Variants in SRBD1 observed in about 807,000 individuals in gnomAD.
SRBD1 encodes the protein S1 RNA binding domain 1.
In SRBD1, 88 loss-of-function variants were observed where a neutral mutation model predicts 115.3. The observed-to-expected ratio is 0.76, with a 90% CI of 0.64 to 0.91. The LOEUF is 0.91. SRBD1 is among the 40% of genes least tolerant of loss of function. SRBD1 has a pLI of 0.00. For missense variants in SRBD1, 1,385 were observed against 1,177.4 expected, an observed-to-expected ratio of 1.18 and a Z score of -2.58; for synonymous variants, 509 against 407.7, an observed-to-expected ratio of 1.25 and a Z score of -2.99.
chr2:45,475,534 T>C (rs1359495788), intron 16 of SRBD1, among the ~76,000 whole-genome samples: 1 of 152,224 alleles, frequency 6.6e-6, no homozygotes, highest in Non-Finnish European at 1.5e-5. Flanking sequence ...TCTCCACTAT[T>C]TACTTAAAGA....
intron 16 of SRBD1, among the ~76,000 whole-genome samples, chr2:45,451,127 T>A (rs1048170977): frequency 2.0e-5 from 3 of 152,050 alleles, no homozygotes; most frequent in African/African-American, 7.2e-5. Flanking sequence ...AAGCTACAAA[T>A]GACAGAATTA....
At chr2:45,461,492 T>G (rs927271595) in intron 16 of SRBD1, among the ~76,000 whole-genome samples, 6 of 152,210 alleles carry the variant, frequency 3.9e-5, no homozygotes, top group Admixed American at 3.3e-4. Context: ...TTTCAATGGC[T>G]GTTTATGAGT....
chr2:45,468,144 CTATA>C (rs1378447661), intron 16 of SRBD1, among the ~76,000 whole-genome samples: 3 of 151,972 alleles, frequency 2.0e-5, no homozygotes, highest in Non-Finnish European at 4.4e-5. Flanking sequence ...TTCATAAATC[CTATA>C]TATTTCATAT....
chr2:45,439,791 C>T (rs192850810), intron 16 of SRBD1, among the ~76,000 whole-genome samples: 386 of 142,686 alleles, frequency 2.7e-3, no homozygotes, highest in South Asian at 4.8e-3. Context: ...TAGATCATAC[C>T]GAAAAAAAAA....
intron 4 of SRBD1, among the ~76,000 whole-genome samples, chr2:45,589,906 G>C (rs1196129307): frequency 1.3e-5 from 2 of 152,180 alleles, no homozygotes; most frequent in African/African-American, 4.8e-5. Flanking sequence ...CATGTAAATA[G>C]TCAACATACA....
At chr2:45,599,975 G>GA (rs1362136569) in intron 3 of SRBD1, 140 bp from the exon 4 acceptor site, 3 of 1,005,184 alleles carry the variant, frequency 3.0e-6, no homozygotes, top group African/African-American at 1.6e-5. Flanking sequence ...TGTTGAGTGG[G>GA]AAAAAAAGCC....
intron 16 of SRBD1, among the ~76,000 whole-genome samples, chr2:45,438,460 T>G (rs985694390): frequency 2.0e-5 from 3 of 152,072 alleles, no homozygotes; most frequent in African/African-American, 7.2e-5. Flanking sequence ...GACAAGAACT[T>G]TAAAGTGGCT....
intron 16 of SRBD1, among the ~76,000 whole-genome samples, chr2:45,462,585 G>A (rs1001101729): frequency 1.3e-5 from 2 of 151,394 alleles, no homozygotes; most frequent in Non-Finnish European, 2.9e-5. Flanking sequence ...CATCAGCAGA[G>A]TTAAAAGTAC....
At chr2:45,513,073 AC>A (rs1671016091) in intron 14 of SRBD1, among the ~76,000 whole-genome samples, 1 of 152,050 alleles carries the variant, frequency 6.6e-6, no homozygotes, top group African/African-American at 2.4e-5. Flanking sequence ...CAAATGCTCT[AC>A]CCCTGAGCTA....
intron 7 of SRBD1, among the ~76,000 whole-genome samples, chr2:45,577,460 A>T (rs886306799): frequency 2.0e-5 from 3 of 152,130 alleles, no homozygotes; most frequent in African/African-American, 7.2e-5. Flanking sequence ...GTAAACAAAA[A>T]CCGAAAGGCC....
At chr2:45,595,524 G>A (rs1026529732) in intron 4 of SRBD1, among the ~76,000 whole-genome samples, 6 of 152,128 alleles carry the variant, frequency 3.9e-5, no homozygotes, top group African/African-American at 1.4e-4. Flanking sequence ...TTATCCAAAT[G>A]TTCAGGACTT....
rs1674025028 is a variant in SRBD1, at chr2:45,599,602, G to A, written c.495C>T (p.Cys165=). 1.2e-6 allele frequency: 2 copies of A among 1,614,122 alleles called. No individual in the cohort carries two copies. Among genetic ancestry groups the A allele is most frequent in the East Asian group, 2.2e-5 (1 of 44,878 alleles). Residue 165 remains cysteine (C), a synonymous_variant, in exon 4 of 21, where the codon TGC becomes TGT. Coordinates refer to ENST00000263736, the MANE Select transcript of SRBD1 (RefSeq NM_018079.5). ...AGTCATCGTCATTCTCTTCCTTCTT[G>A]CATGTACCTCCCCACACAGTGCTTG... ...PSTSTVWGGT[C]KKEENDDDFT...
chr2:45,428,258 A>C (rs1668218424), intron 16 of SRBD1, among the ~76,000 whole-genome samples: 1 of 152,194 alleles, frequency 6.6e-6, no homozygotes, highest in African/African-American at 2.4e-5. Context: ...CTACTGGATA[A>C]ATAACGAAAT....
At chr2:45,488,156 T>C in intron 15 of SRBD1, 84 bp downstream of exon 15, 1 of 1,194,032 alleles carries the variant, frequency 8.4e-7, no homozygotes. Flanking sequence ...AAATTTTCTT[T>C]GATATTTAGA....
At chr2:45,421,894 A>C (rs1197015500) in intron 16 of SRBD1, among the ~76,000 whole-genome samples, 1 of 152,216 alleles carries the variant, frequency 6.6e-6, no homozygotes, top group Non-Finnish European at 1.5e-5. Context: ...AAATCTAATA[A>C]GCAAATATCA....
At chr2:45,516,741 A>G (rs1331940086) in intron 14 of SRBD1, among the ~76,000 whole-genome samples, 1 of 152,228 alleles carries the variant, frequency 6.6e-6, no homozygotes, top group African/African-American at 2.4e-5. Context: ...TTGCTTTTTA[A>G]AAAAAGCTAA....
chr2:45,495,411 A>G (rs1175957719), intron 14 of SRBD1, among the ~76,000 whole-genome samples: 1 of 152,186 alleles, frequency 6.6e-6, no homozygotes, highest in East Asian at 1.9e-4. Flanking sequence ...GGTAGAAGAA[A>G]TTTCAACAAA....
intron 9 of SRBD1, among the ~76,000 whole-genome samples, chr2:45,565,886 A>G (rs1274696486): frequency 2.0e-5 from 3 of 152,240 alleles, no homozygotes; most frequent in Non-Finnish European, 4.4e-5. Flanking sequence ...TCAACCTCCC[A>G]AAGTGCTTGG....
chr2:45,394,466 T>C lies in SRBD1; in HGVS notation c.2514-1337A>G, dbSNP rs73925636. Among the ~76,000 whole-genome samples, 1,488 of 152,292 alleles carry C rather than the reference T, an allele frequency of 9.8e-3. 23 individuals are homozygous for C. Among genetic ancestry groups the C allele is most frequent in the African/African-American group, 0.034 (1,401 of 41,566 alleles). On this transcript the variant is annotated intron_variant, in intron 19 of 20. Transcript: ENST00000263736. The stretch of plus-strand genomic sequence containing the variant: ...TAGTGATACTAATGCCCTCAAATCC[T>C]TTCCTCTAGGGATACCTCTGGAATA...
Sources: gnomAD v4.1 joint callset for allele counts (sites outside exome capture counted in the v4.1 genomes callset) on GRCh38, gnomAD v4.1.1 for gene constraint, MANE v1.5 for transcripts, NCBI Gene and HGNC (gene_info 2026-07-23, HGNC 2026-07-21) for gene names.